Variants in GRIK2 observed in about 807,000 individuals in gnomAD.
GRIK2 encodes the protein glutamate ionotropic receptor kainate type subunit 2.
GRIK2 carries 32 observed loss-of-function variants against 100.3 expected under a neutral mutation model. The observed-to-expected ratio is 0.32, with a 90% confidence interval of 0.24 to 0.43. GRIK2 has a LOEUF of 0.43. Ranked by LOEUF, GRIK2 falls within the 20% of genes least tolerant of loss-of-function variation. GRIK2 has a pLI of 1.00. For synonymous variants in GRIK2, 417 were observed against 389.4 expected, an observed-to-expected ratio of 1.07 and a Z score of -0.83; for missense variants, 843 against 1,114.9, an observed-to-expected ratio of 0.76 and a Z score of 3.47.
chr6:101,883,847 T>A (rs1786433252), intron 11 of GRIK2, among the ~76,000 whole-genome samples: 1 of 152,102 alleles, frequency 6.6e-6, no homozygotes, highest in Admixed American at 6.6e-5. Context: ...ACCAGAAGAA[T>A]GATGGAACTA....
intron 4 of GRIK2, among the ~76,000 whole-genome samples, chr6:101,661,195 G>A (rs1001445539): frequency 1.3e-5 from 2 of 152,120 alleles, no homozygotes; most frequent in African/African-American, 2.4e-5. Flanking sequence ...ATCTAGAGGG[G>A]CGATCTGGCC....
intron 16 of GRIK2, among the ~76,000 whole-genome samples, chr6:102,060,324 C>G (rs2114520006): frequency 6.6e-6 from 1 of 150,776 alleles, no homozygotes. Flanking sequence ...AGCTATAAAT[C>G]AGAGTAGTAG....
chr6:101,439,442 C>T (rs1582454291), intron 2 of GRIK2, among the ~76,000 whole-genome samples: 6 of 152,120 alleles, frequency 3.9e-5, no homozygotes, highest in Admixed American at 3.9e-4. Flanking sequence ...ATCCAATCCT[C>T]ACAACAACCC....
chr6:101,482,005 T>C (rs1010677763), intron 2 of GRIK2, among the ~76,000 whole-genome samples: 26 of 152,190 alleles, frequency 1.7e-4, no homozygotes, highest in African/African-American at 6.3e-4. Flanking sequence ...GCACCATGAA[T>C]GTAAGTTTCC....
chr6:101,517,648 C>G (rs564879230), intron 2 of GRIK2, among the ~76,000 whole-genome samples: 6 of 152,212 alleles, frequency 3.9e-5, no homozygotes, highest in Non-Finnish European at 7.4e-5. Context: ...TAATGTGCTT[C>G]CATCAGGCAA....
At chr6:101,916,967 C>A (rs1789154976) in intron 12 of GRIK2, among the ~76,000 whole-genome samples, 1 of 151,508 alleles carries the variant, frequency 6.6e-6, no homozygotes, top group Non-Finnish European at 1.5e-5. Context: ...ATGCCTGATC[C>A]CACTACAGAT....
chr6:101,626,953 C>G (rs549381100), intron 4 of GRIK2, among the ~76,000 whole-genome samples: 1 of 151,656 alleles, frequency 6.6e-6, no homozygotes, highest in African/African-American at 2.4e-5. Context: ...TACACACACA[C>G]GTACACATAC....
chr6:101,713,339 T>C (rs1259102580), intron 7 of GRIK2, among the ~76,000 whole-genome samples: 2 of 151,848 alleles, frequency 1.3e-5, no homozygotes, highest in Admixed American at 6.6e-5. Flanking sequence ...TGTTAAACAG[T>C]ACTATGGCTT....
At chr6:101,539,825 G>A (rs183613355) in intron 2 of GRIK2, among the ~76,000 whole-genome samples, 4 of 151,298 alleles carry the variant, frequency 2.6e-5, no homozygotes, top group Admixed American at 1.3e-4. Flanking sequence ...TTTTACCTTC[G>A]AGCTCTGAAT....
intron 14 of GRIK2, among the ~76,000 whole-genome samples, chr6:102,031,672 A>G (rs1158330045): frequency 1.3e-5 from 2 of 151,160 alleles, no homozygotes; most frequent in African/African-American, 2.4e-5. Flanking sequence ...TATGTCCGTG[A>G]ATACTCAATG....
At chr6:101,558,039 A>G (rs1380106770) in intron 2 of GRIK2, among the ~76,000 whole-genome samples, 1 of 152,108 alleles carries the variant, frequency 6.6e-6, no homozygotes, top group East Asian at 1.9e-4. Context: ...TTTCTTCTCT[A>G]ATTACCACCC....
chr6:101,664,540 T>C (rs1295461177), intron 4 of GRIK2, among the ~76,000 whole-genome samples: 1 of 152,224 alleles, frequency 6.6e-6, no homozygotes, highest in Non-Finnish European at 1.5e-5. Context: ...GCTTAGACCC[T>C]AAAGTGTTAG....
intron 2 of GRIK2, among the ~76,000 whole-genome samples, chr6:101,415,286 T>C (rs767430986): frequency 1.9e-4 from 29 of 151,892 alleles, no homozygotes; most frequent in Non-Finnish European, 2.4e-4. Context: ...TCCTTGATCT[T>C]ACTGTATATG....
chr6:101,431,993 C>T (rs2128243201), intron 2 of GRIK2, among the ~76,000 whole-genome samples: 1 of 152,192 alleles, frequency 6.6e-6, no homozygotes, highest in East Asian at 1.9e-4. Flanking sequence ...TTTTTACTGT[C>T]CACATACAAG....
intron 7 of GRIK2, among the ~76,000 whole-genome samples, chr6:101,776,659 A>C (rs1778765744): frequency 6.6e-6 from 1 of 152,332 alleles, no homozygotes; most frequent in African/African-American, 2.4e-5. Flanking sequence ...AATACAAGAC[A>C]TTATAATATT....
intron 7 of GRIK2, among the ~76,000 whole-genome samples, chr6:101,786,794 T>C (rs1779451811): frequency 6.6e-6 from 1 of 152,142 alleles, no homozygotes; most frequent in African/African-American, 2.4e-5. Flanking sequence ...TGCTGTTGTG[T>C]CCTTGTCTGC....
intron 16 of GRIK2, among the ~76,000 whole-genome samples, chr6:102,056,517 T>G (rs895928204): frequency 1.3e-5 from 2 of 152,022 alleles, no homozygotes; most frequent in African/African-American, 4.8e-5. Flanking sequence ...AAACTCACAA[T>G]ATTTTAGACT....
chr6:101,907,962 C>G (rs1256144805), intron 12 of GRIK2, among the ~76,000 whole-genome samples: 1 of 151,482 alleles, frequency 6.6e-6, no homozygotes, highest in Non-Finnish European at 1.5e-5. Context: ...CCCCTTTTAT[C>G]TTCCTCCTCC....
In GRIK2 at chr6:101,784,041, T is replaced by C. The variant is rs1232363614; in HGVS notation, c.952-15607T>C. ...ATGTGGTAGAAAAGAAAAACCCGTC[T>C]TCTGGGGAGGAATTCAAGCCAGCTG... is the stretch of plus-strand genomic sequence containing the variant. On this transcript the variant is annotated intron_variant, in intron 7 of 16. Transcript: ENST00000369134. Among the ~76,000 whole-genome samples, 3 of 152,342 alleles carry C rather than the reference T, an allele frequency of 2.0e-5. No homozygotes were observed. In the South Asian group the frequency reaches 6.2e-4, roughly 32 times the overall value.
Sources: allele counts gnomAD v4.1 joint callset (sites outside exome capture counted in the v4.1 genomes callset), GRCh38; gene constraint gnomAD v4.1.1; transcripts MANE v1.5; gene names NCBI Gene and HGNC (gene_info 2026-07-23, HGNC 2026-07-21).